The following TSPAN5 variants were observed in gnomAD, a reference collection of about 807,000 sequenced individuals.
The protein encoded by TSPAN5 is tetraspanin 5.
TSPAN5 carries 10 observed loss-of-function variants against 37.1 expected under a neutral mutation model. The observed-to-expected ratio is 0.27, with a 90% CI of 0.17 to 0.46. TSPAN5 has a LOEUF of 0.46. TSPAN5 is among the 20% of genes least tolerant of loss of function. The pLI is 1.00. For synonymous variants in TSPAN5, 110 were observed against 118.9 expected (o/e 0.93, Z 0.48); for missense variants, 195 against 326.6 (o/e 0.60, Z 3.11).
intron 1 of TSPAN5, among the ~76,000 whole-genome samples, chr4:98,563,409 G>C (rs12646256): frequency 0.1 from 15,941 of 152,162 alleles, 1,572 homozygotes; most frequent in East Asian, 0.27. Flanking sequence ...TTAACAGATT[G>C]TGTTAATACA....
chr4:98,516,376 T>A (rs989489597), intron 1 of TSPAN5, among the ~76,000 whole-genome samples: 3 of 152,194 alleles, frequency 2.0e-5, no homozygotes, highest in Admixed American at 6.5e-5. Context: ...GACTGGGGGA[T>A]ATTATGTAGA....
chr4:98,563,843 T>C (rs111948189), intron 1 of TSPAN5, among the ~76,000 whole-genome samples: 5 of 152,212 alleles, frequency 3.3e-5, no homozygotes, highest in South Asian at 4.1e-4. Context: ...TGTCACCCTA[T>C]TGGGGAAGGG....
At chr4:98,538,483 T>TC (rs1269833245) in intron 1 of TSPAN5, among the ~76,000 whole-genome samples, 1 of 152,162 alleles carries the variant, frequency 6.6e-6, no homozygotes, top group Non-Finnish European at 1.5e-5. Flanking sequence ...GCAGGGCCAT[T>TC]CCTCTGACAT....
At chr4:98,482,419 A>T (rs1424393980) in intron 3 of TSPAN5, 5 of 331,582 alleles carry the variant, frequency 1.5e-5, no homozygotes, top group Non-Finnish European at 5.5e-6. Context: ...TAACCAACAA[A>T]GCCCATAAGC....
At chr4:98,482,445 G>T in intron 3 of TSPAN5, 1 of 270,750 alleles carries the variant, frequency 3.7e-6, no homozygotes. Context: ...TGGATAATAA[G>T]GATTTCTCAT....
At chr4:98,621,818 T>G (rs1756488217) in intron 1 of TSPAN5, among the ~76,000 whole-genome samples, 1 of 119,304 alleles carries the variant, frequency 8.4e-6, no homozygotes, top group Non-Finnish European at 1.7e-5. Context: ...CAACCATTAA[T>G]CTGCTTTCTG....
At chr4:98,591,073 TTTTG>T (rs1560550154) in intron 1 of TSPAN5, among the ~76,000 whole-genome samples, 1 of 150,420 alleles carries the variant, frequency 6.6e-6, no homozygotes, top group Non-Finnish European at 1.5e-5. Flanking sequence ...TTTTTTGTTT[TTTTG>T]TTTTTTTTTT....
intron 1 of TSPAN5, among the ~76,000 whole-genome samples, chr4:98,653,758 C>A (rs753489619): frequency 6.6e-6 from 1 of 151,944 alleles, no homozygotes. Context: ...AAAACTACAA[C>A]ACCATTAATG....
chr4:98,489,942 A>G (rs1330049760), intron 2 of TSPAN5, among the ~76,000 whole-genome samples: 1 of 152,198 alleles, frequency 6.6e-6, no homozygotes, highest in Non-Finnish European at 1.5e-5. Flanking sequence ...TGTTCAATGA[A>G]CCAAAGAAGG....
intron 1 of TSPAN5, among the ~76,000 whole-genome samples, chr4:98,619,795 G>A (rs923004309): frequency 6.6e-6 from 1 of 152,128 alleles, no homozygotes; most frequent in Non-Finnish European, 1.5e-5. Context: ...CAAAATCAAG[G>A]CTCCAGCAGA....
At chr4:98,525,241 G>A (rs1023552397) in intron 1 of TSPAN5, among the ~76,000 whole-genome samples, 3 of 152,164 alleles carry the variant, frequency 2.0e-5, no homozygotes, top group Non-Finnish European at 2.9e-5. Context: ...GCAGGTCTTC[G>A]AGAAATGTCA....
intron 1 of TSPAN5, among the ~76,000 whole-genome samples, chr4:98,546,417 A>G (rs930141934): frequency 6.6e-6 from 1 of 152,236 alleles, no homozygotes; most frequent in Non-Finnish European, 1.5e-5. Context: ...TGCAGGGTGC[A>G]AACCATTGGT....
At chr4:98,565,307 T>A (rs1405097843) in intron 1 of TSPAN5, among the ~76,000 whole-genome samples, 1 of 152,232 alleles carries the variant, frequency 6.6e-6, no homozygotes, top group Non-Finnish European at 1.5e-5. Context: ...CTTGCATGTT[T>A]CATATAACTG....
intron 1 of TSPAN5, among the ~76,000 whole-genome samples, chr4:98,581,003 C>T (rs1440570914): frequency 1.3e-5 from 2 of 152,140 alleles, no homozygotes; most frequent in African/African-American, 2.4e-5. Context: ...TAACTCCAAT[C>T]TGAAAGCACA....
chr4:98,520,569 C>T (rs763130761), intron 1 of TSPAN5, among the ~76,000 whole-genome samples: 11 of 152,138 alleles, frequency 7.2e-5, no homozygotes, highest in Non-Finnish European at 1.6e-4. Context: ...TCAGGAGCCC[C>T]CAGGTGTAGT....
chr4:98,657,764 C>A (rs141037579), intron 1 of TSPAN5: 72 of 277,662 alleles, frequency 2.6e-4, no homozygotes, highest in South Asian at 7.0e-4. Context: ...GCCCGATTAG[C>A]CTTCCCTATT....
At chr4:98,587,483 A>G (rs757917446) in intron 1 of TSPAN5, among the ~76,000 whole-genome samples, 2 of 152,154 alleles carry the variant, frequency 1.3e-5, no homozygotes, top group African/African-American at 4.8e-5. Context: ...GACTGAACAT[A>G]TATTTCCTCC....
chr4:98,560,972 T>C (rs1469239708), intron 1 of TSPAN5, among the ~76,000 whole-genome samples: 1 of 152,204 alleles, frequency 6.6e-6, no homozygotes, highest in Non-Finnish European at 1.5e-5. Flanking sequence ...TTGCAGCTAG[T>C]ATAATGAGGT....
intron 1 of TSPAN5, among the ~76,000 whole-genome samples, chr4:98,591,383 TTAA>T (rs1226160641): frequency 8.1e-6 from 1 of 122,994 alleles, no homozygotes; most frequent in African/African-American, 3.4e-5. Context: ...AATAAGACAC[TTAA>T]TAATACACTT....
Sources: allele counts gnomAD v4.1 joint callset (sites outside exome capture counted in the v4.1 genomes callset), GRCh38; gene constraint gnomAD v4.1.1; transcripts MANE v1.5; gene names NCBI Gene and HGNC (gene_info 2026-07-23, HGNC 2026-07-21).